Variants in CLXN observed in about 807,000 individuals in gnomAD.
The protein encoded by CLXN is calaxin, also known as EF-hand calcium binding domain 1.
chr8:48,734,650 C>T, the CLXN span: 2 of 157,016 alleles, frequency 1.3e-5, no homozygotes, highest in African/African-American at 4.8e-5. Flanking sequence ...CCGTTTTCTC[C>T]TATGGGTCTC....
At chr8:48,719,171 A>G in the CLXN span, among the ~76,000 whole-genome samples, 2 of 152,132 alleles carry the variant, frequency 1.3e-5, no homozygotes, top group African/African-American at 4.8e-5. Flanking sequence ...TGGATAACAG[A>G]AGAAATGGAT....
At chr8:48,732,934 G>A in the CLXN span, among the ~76,000 whole-genome samples, 1 of 152,110 alleles carries the variant, frequency 6.6e-6, no homozygotes, top group South Asian at 2.1e-4. Context: ...TAGTTGCCAG[G>A]GACTAGGATG....
At chr8:48,735,236 G>C in the CLXN span, 1 of 1,502,602 alleles carries the variant, frequency 6.7e-7, no homozygotes, top group Admixed American at 1.7e-5. Context: ...GCGAGCCCTG[G>C]TGCTGGGTCA....
the CLXN span, chr8:48,724,366 T>G: frequency 2.5e-5 from 4 of 159,312 alleles, no homozygotes; most frequent in African/African-American, 9.6e-5. Flanking sequence ...TTTCAATGAT[T>G]TTTCAGTGTA....
At chr8:48,729,103 AGTT>A in the CLXN span, 1 of 1,613,688 alleles carries the variant, frequency 6.2e-7, no homozygotes, top group Admixed American at 1.7e-5. Context: ...TCTCACAGCC[AGTT>A]CATAGTCTGC....
chr8:48,715,175 T>C, the CLXN span: 1 of 152,244 alleles, frequency 6.6e-6, no homozygotes, highest in Admixed American at 6.5e-5. Flanking sequence ...TTTCATCTTA[T>C]TTTAAAATTT....
At chr8:48,735,051 G>T in the CLXN span, 2 of 1,607,766 alleles carry the variant, frequency 1.2e-6, no homozygotes, top group Admixed American at 1.7e-5. Flanking sequence ...ACCCAGGCTC[G>T]GTCCAGGAGC....
the CLXN span, chr8:48,729,641 A>G: frequency 7.6e-7 from 1 of 1,318,666 alleles, no homozygotes; most frequent in Non-Finnish European, 1.0e-6. Context: ...ACTGAAAATT[A>G]TAATAATTTG....
At chr8:48,725,572 G>A in the CLXN span, among the ~76,000 whole-genome samples, 2 of 152,154 alleles carry the variant, frequency 1.3e-5, no homozygotes, top group Non-Finnish European at 2.9e-5. Context: ...AGGAAGCCGA[G>A]GCAAGCTGAT....
At chr8:48,735,235 G>T in the CLXN span, 1 of 1,508,380 alleles carries the variant, frequency 6.6e-7, no homozygotes, top group Non-Finnish European at 9.2e-7. Flanking sequence ...CGCGAGCCCT[G>T]GTGCTGGGTC....
the CLXN span, chr8:48,716,114 C>T: frequency 6.6e-6 from 1 of 152,504 alleles, no homozygotes; most frequent in East Asian, 1.9e-4. Context: ...AGTCCCGAGC[C>T]CTGCCCCGTG....
the CLXN span, chr8:48,735,302 C>A: frequency 3.6e-6 from 3 of 843,568 alleles, no homozygotes; most frequent in Non-Finnish European, 1.9e-6. Flanking sequence ...ACGGTGTAGC[C>A]AAGGCAACGG....
chr8:48,726,000 AT>A, the CLXN span, among the ~76,000 whole-genome samples: 1 of 67,594 alleles, frequency 1.5e-5, no homozygotes. Context: ...CTCACCATCC[AT>A]CCACCTCATC....
chr8:48,730,537 T>TA, the CLXN span: 57 of 1,597,508 alleles, frequency 3.6e-5, no homozygotes, highest in Non-Finnish European at 4.7e-5. Flanking sequence ...CCTGCAATCT[T>TA]ACATTTCATT....
At chr8:48,715,434 T>C in the CLXN span, 1 of 152,216 alleles carries the variant, frequency 6.6e-6, no homozygotes, top group Admixed American at 6.5e-5. Context: ...GACAGCTGTA[T>C]ATAAAAGTGT....
the CLXN span, among the ~76,000 whole-genome samples, chr8:48,734,308 T>TCGGCTTC: frequency 6.6e-6 from 1 of 152,358 alleles, no homozygotes; most frequent in South Asian, 2.1e-4. Context: ...ATTATCTTCC[T>TCGGCTTC]CATCTAAACC....
chr8:48,712,646 C>T, the CLXN span, among the ~76,000 whole-genome samples: 3,568 of 152,234 alleles, frequency 0.023, 70 homozygotes, highest in Non-Finnish European at 0.036. Flanking sequence ...TGCAGACGTG[C>T]GCCCAGCCTC....
chr8:48,724,892 G>A, the CLXN span: 1 of 1,034,192 alleles, frequency 9.7e-7, no homozygotes, highest in Non-Finnish European at 1.4e-6. Flanking sequence ...GTAGAGACAG[G>A]ATAACTGAGG....
chr8:48,724,867 G>T, the CLXN span: 2 of 1,341,456 alleles, frequency 1.5e-6, no homozygotes, highest in Non-Finnish European at 2.1e-6. Flanking sequence ...AAAATATTCT[G>T]TATGTCTCCT....
Sources: allele counts gnomAD v4.1 joint callset (sites outside exome capture counted in the v4.1 genomes callset), GRCh38; gene constraint gnomAD v4.1.1; transcripts MANE v1.5; gene names NCBI Gene and HGNC (gene_info 2026-07-23, HGNC 2026-07-21).